The following APOA4 variants were observed in gnomAD, a reference collection of about 807,000 sequenced individuals.
APOA4 encodes the protein apolipoprotein A4.
In APOA4, 25 loss-of-function variants were observed where a neutral mutation model predicts 33.6. That is an observed-to-expected ratio of 0.74 (90% CI 0.54 to 1.04). The LOEUF (loss-of-function observed/expected upper bound fraction) is 1.04. APOA4 is among the 50% of genes least tolerant of loss of function. The pLI, the probability that APOA4 is intolerant of heterozygous loss-of-function variation, is 0.00. For missense variants in APOA4, 549 were observed against 510.4 expected (o/e 1.08, Z -0.73); for synonymous variants, 228 against 224.0 (o/e 1.02, Z -0.16).
chr11:116,821,677 G>A lies in APOA4; in HGVS notation c.381C>T (p.Asn127=), dbSNP rs147610191. The change falls in exon 3 of 3, where the codon AAC becomes AAT. Residue 127 remains asparagine (N), a synonymous_variant. Transcript: ENST00000357780. ...CCAGGCGCTGCTGAAGCTCTCGCAG[G>A]TTGTCCCCGATCTTCTGGCTCACCT... The part of the protein sequence containing the change: ...ANEVSQKIGD[N]LRELQQRLEP... 1.2e-6 allele frequency: 2 copies of A among 1,600,458 alleles called. No individual in the cohort carries two copies. Among genetic ancestry groups the A allele is most frequent in the South Asian group, 1.1e-5 (1 of 90,544 alleles).
At position 116,821,013 on chromosome 11, in the gene APOA4, C is replaced by A. The variant is rs769994902; in HGVS notation, c.1045G>T (p.Asp349Tyr). 6.2e-7 allele frequency: 1 copy of A among 1,614,126 alleles called. No homozygotes were observed. The highest frequency in any genetic ancestry group is 1.3e-5 in the African/African-American group (1 of 74,938). Residue 349 changes from aspartate to tyrosine, a missense_variant, in exon 3 of 3, where the codon GAC (aspartate) becomes TAC (tyrosine). Transcript: ENST00000357780. The part of the protein sequence containing the change: ...HLSFLEKDLR[D>Y]KVNSFFSTFK... ...GTGCTGAAGAAGGAGTTGACCTTGT[C>A]CCTCAGGTCCTTCTCCAGGAAGCTC...
chr11:116,821,584 G>A lies in APOA4; in HGVS notation c.474C>T (p.Thr158=), dbSNP rs1428606901. The part of the protein sequence containing the change: ...TQAEQLRRQL[T]PYAQRMERVL... Reference sequence around the variant, plus strand: ...CTCTCTCCATGCGCTGTGCGTAGGGGGTCAGCTGGCGCCGCAGCTGCTCGG... The same window carrying A: ...CTCTCTCCATGCGCTGTGCGTAGGGAGTCAGCTGGCGCCGCAGCTGCTCGG... Residue 158 remains threonine (T), a synonymous_variant, in exon 3 of 3, where the codon ACC becomes ACT. Coordinates refer to ENST00000357780, the MANE Select transcript of APOA4 (RefSeq NM_000482.4). 3.1e-6 allele frequency: 5 copies of A among 1,610,326 alleles called. No homozygotes were observed. In the East Asian group the frequency reaches 1.1e-4, roughly 36 times the overall value.
rs764903189 is a variant in APOA4 at position 116,821,059 on chromosome 11, C to A, written c.999G>T (p.Ala333=). ...AGCTCAAGTGGCCTTCCACGTCCCC[C>A]GCATGGGGGCCCAGTTTCTGCCTGA... ...EQLRQKLGPH[A]GDVEGHLSFL... The change falls in exon 3 of 3, where the codon GCG becomes GCT. Residue 333 remains alanine, a synonymous_variant. Transcript: ENST00000357780. 2.5e-6 allele frequency: 4 copies of A among 1,614,094 alleles called. 1 individual carries two copies. The highest frequency in any genetic ancestry group is 1.6e-4 in the Middle Eastern group (1 of 6,084).
chr11:116,823,225 G>C lies in APOA4; in HGVS notation c.-34C>G. ...GCTTGCTGGGCTGGAGGAGTTTCTTGCCACACTGGATCCTCCCTACAATCA... is the reference window on the plus strand; with the variant it reads ...GCTTGCTGGGCTGGAGGAGTTTCTTCCCACACTGGATCCTCCCTACAATCA... On this transcript the variant is annotated 5_prime_UTR_variant, in exon 1 of 3. Coordinates refer to ENST00000357780, the MANE Select transcript of APOA4 (RefSeq NM_000482.4). 6.2e-7 allele frequency: 1 copy of C among 1,613,682 alleles called. No individual in the cohort carries two copies. The highest frequency in any genetic ancestry group is 8.5e-7 in the Non-Finnish European group (1 of 1,179,658).
rs1591322118 is a variant in APOA4 at position 116,821,124 on chromosome 11, C to T, written c.934G>A (p.Glu312Lys). ...TGCACCAGGGCTTTGTTGAAGTTTT[C>T]CCCGTAGGGCTCCACCCGGCGTCGG... ...EFRRRVEPYGENFNKALVQQM... is the reference protein window; with the variant it reads ...EFRRRVEPYGKNFNKALVQQM... Residue 312 changes from glutamate to lysine, a missense_variant, in exon 3 of 3, where the codon GAA (glutamate) becomes AAA (lysine). By Grantham distance (56) the Glu-to-Lys change is moderately conservative (BLOSUM62 1). Coordinates refer to ENST00000357780, the MANE Select transcript of APOA4 (RefSeq NM_000482.4). 1 of 1,613,882 alleles carries T rather than the reference C, an allele frequency of 6.2e-7. No individual in the cohort carries two copies.
rs145761354 is a variant in APOA4 at position 116,821,052 on chromosome 11, C to A, written c.1006G>T (p.Val336Leu). ...TCCAGGAAGCTCAAGTGGCCTTCCACGTCCCCCGCATGGGGGCCCAGTTTC... is the reference window on the plus strand; with the variant it reads ...TCCAGGAAGCTCAAGTGGCCTTCCAAGTCCCCCGCATGGGGGCCCAGTTTC... ...RQKLGPHAGD[V>L]EGHLSFLEKD... Residue 336 changes from valine (V) to leucine (L), a missense_variant, in exon 3 of 3, where the codon GTG becomes TTG. By Grantham distance (32) the Val-to-Leu change is conservative (BLOSUM62 1). Transcript: ENST00000357780. 1 of 1,614,234 alleles carries A rather than the reference C, an allele frequency of 6.2e-7. No homozygotes were observed. Among genetic ancestry groups the A allele is most frequent in the Admixed American group, 1.7e-5 (1 of 60,034 alleles).
At position 116,823,259 on chromosome 11, in the gene APOA4, G is replaced by C; in HGVS notation, c.-68C>G. 1 of 1,576,140 alleles carries C rather than the reference G, an allele frequency of 6.3e-7. No individual in the cohort carries two copies. On this transcript the variant is annotated 5_prime_UTR_variant, in exon 1 of 3. Transcript: ENST00000357780. ...GATCCTCCCTACAATCAGGGGAGCTGACAGAGAGGTCCTCAGGAGAGCTCA... is the reference window on the plus strand; with the variant it reads ...GATCCTCCCTACAATCAGGGGAGCTCACAGAGAGGTCCTCAGGAGAGCTCA...
rs746068525 is a variant in APOA4 at position 116,821,264 on chromosome 11, T to G, written c.794A>C (p.Gln265Pro). 2.5e-6 allele frequency: 4 copies of G among 1,613,496 alleles called. No homozygotes were observed. The South Asian group carries it at 4.4e-5, about 18-fold the overall frequency. The change falls in exon 3 of 3, where the codon CAG becomes CCG. Residue 265 changes from glutamine (Q) to proline (P), a missense_variant. Coordinates refer to ENST00000357780, the MANE Select transcript of APOA4 (RefSeq NM_000482.4). The part of the protein sequence containing the change: ...RISASAEELR[Q>P]RLAPLAEDVR... Reference sequence around the variant, plus strand: ...GTCCTCGGCCAAGGGCGCCAGCCTCTGCCGCAGCTCCTCGGCACTGGCCGA... The same window carrying G: ...GTCCTCGGCCAAGGGCGCCAGCCTCGGCCGCAGCTCCTCGGCACTGGCCGA...
rs1941310700 is a variant in APOA4 at position 116,820,883 on chromosome 11, G to A, written c.1175C>T (p.Ala392Val). ...AGGGGCAGCTCAGCTCTCCAAAGGG[G>A]CCAGCATCTGCACCTGCTCCTGCTG... is the stretch of plus-strand genomic sequence containing the variant. The part of the protein sequence containing the change: ...EQQQEQVQML[A>V]PLES The change falls in exon 3 of 3, where the codon GCC (alanine) becomes GTC (valine). Residue 392 changes from alanine to valine, a missense_variant. Ala to Val is a moderately conservative substitution (Grantham distance 64). Transcript: ENST00000357780. 2.5e-6 allele frequency: 4 copies of A among 1,613,752 alleles called. No homozygotes were observed. Among genetic ancestry groups the A allele is most frequent in the Non-Finnish European group, 3.4e-6 (4 of 1,180,010 alleles).
chr11:116,821,553 G>A lies in APOA4; in HGVS notation c.505C>T (p.Arg169Trp), dbSNP rs142295954. Residue 169 changes from arginine to tryptophan, a missense_variant, in exon 3 of 3, where the codon CGG (arginine) becomes TGG (tryptophan). Arg to Trp is a moderately radical substitution (Grantham distance 101). Coordinates refer to ENST00000357780, the MANE Select transcript of APOA4 (RefSeq NM_000482.4). ...GCCTGCAGGCTGTCGGCGTTCTCCC[G>A]CAGCACTCTCTCCATGCGCTGTGCG... ...PYAQRMERVLRENADSLQASL... is the reference protein window; with the variant it reads ...PYAQRMERVLWENADSLQASL... 4.3e-6 allele frequency: 7 copies of A among 1,612,074 alleles called. No homozygotes were observed. Among genetic ancestry groups the A allele is most frequent in the Admixed American group, 1.7e-5 (1 of 60,004 alleles).
rs951853486 is a variant in APOA4, at chr11:116,822,776, G to T, written c.59C>A (p.Ala20Asp). 8 of 1,613,986 alleles carry T rather than the reference G, an allele frequency of 5.0e-6. No homozygotes were observed. In the African/African-American group the frequency reaches 1.1e-4, roughly 22 times the overall value. The part of the protein sequence containing the change: ...LALVAVAGAR[A>D]EVSADQVATV... ...GGCCACCTGGTCAGCACTGACCTCA[G>T]CCCTGGCTCCTGGGTGGTAACAGAG... Residue 20 changes from alanine to aspartate, a missense_variant, in exon 2 of 3, where the codon GCT (alanine) becomes GAT (aspartate). Transcript: ENST00000357780.
Position 116,821,588 on chromosome 11 carries a change from A to G in APOA4, c.470T>C (p.Leu157Pro). 6.2e-7 allele frequency: 1 copy of G among 1,610,108 alleles called. No individual in the cohort carries two copies. The stretch of plus-strand genomic sequence containing the variant: ...CTCCATGCGCTGTGCGTAGGGGGTC[A>G]GCTGGCGCCGCAGCTGCTCGGCCTG... ...STQAEQLRRQ[L>P]TPYAQRMERV... The change falls in exon 3 of 3, where the codon CTG becomes CCG. Residue 157 changes from leucine to proline, a missense_variant. By Grantham distance (98) the Leu-to-Pro change is moderately conservative (BLOSUM62 -3). Transcript: ENST00000357780.
chr11:116,822,577 G>A, intron 2 of APOA4, 82 bp downstream of exon 2: 1 of 1,604,988 alleles, frequency 6.2e-7, no homozygotes, highest in Non-Finnish European at 8.5e-7. Flanking sequence ...CAGGGCTCCT[G>A]TCTCTAAGCT....
Position 116,822,687 on chromosome 11 carries a change from G to T in APOA4, c.148C>A (p.Gln50Lys), listed in dbSNP as rs748755944. Residue 50 changes from glutamine (Q) to lysine (K), a missense_variant, in exon 2 of 3, where the codon CAG becomes AAG. By Grantham distance (53) the Gln-to-Lys change is moderately conservative (BLOSUM62 1). Transcript: ENST00000357780. The part of the protein sequence containing the change: ...NNAKEAVEHL[Q>K]KSELTQQLNA... ...AGTTGCTGGGTGAGTTCAGATTTCTGGAGATGTTCCACGGCCTCCTTGGCA... is the reference window on the plus strand; with the variant it reads ...AGTTGCTGGGTGAGTTCAGATTTCTTGAGATGTTCCACGGCCTCCTTGGCA... 8.7e-6 allele frequency: 14 copies of T among 1,614,098 alleles called. No individual in the cohort carries two copies. Among genetic ancestry groups the T allele is most frequent in the Non-Finnish European group, 1.2e-5 (14 of 1,180,048 alleles).
At position 116,820,977 on chromosome 11, in the gene APOA4, T is replaced by C. The variant is rs1426658417; in HGVS notation, c.1081A>G (p.Lys361Glu). Residue 361 changes from lysine (K) to glutamate (E), a missense_variant, in exon 3 of 3, where the codon AAA becomes GAA. Physicochemically the swap from Lys to Glu is moderately conservative, Grantham distance 56. Transcript: ENST00000357780. ...GAGAGAGTCTTGTCCTGGCTCTCTT[T>C]CTCCTTGAAGGTGCTGAAGAAGGAG... The part of the protein sequence containing the change: ...VNSFFSTFKE[K>E]ESQDKTLSLP... The C allele has an allele frequency of 6.2e-7, 1 of 1,614,074 alleles. No individual in the cohort carries two copies. Among genetic ancestry groups the C allele is most frequent in the East Asian group, 2.2e-5 (1 of 44,894 alleles).
Position 116,821,509 on chromosome 11 carries a change from G to C in APOA4, c.549C>G (p.Ala183=), listed in dbSNP as rs1266040326. Residue 183 remains alanine (A), a synonymous_variant, in exon 3 of 3, where the codon GCC becomes GCG. Transcript: ENST00000357780. The part of the protein sequence containing the change: ...DSLQASLRPH[A]DELKAKIDQN... Reference sequence around the variant, plus strand: ...GGTCGATCTTGGCCTTGAGCTCGTCGGCGTGGGGCCTCAGCGAGGCCTGCA... The same window carrying C: ...GGTCGATCTTGGCCTTGAGCTCGTCCGCGTGGGGCCTCAGCGAGGCCTGCA... 3 of 1,613,820 alleles carry C rather than the reference G, an allele frequency of 1.9e-6. No individual in the cohort carries two copies. Among genetic ancestry groups the C allele is most frequent in the East Asian group, 2.2e-5 (1 of 44,898 alleles).
At chr11:116,822,991 C>T (rs551015318) in intron 1 of APOA4, 152 bp downstream of exon 1, 52 of 1,314,748 alleles carry the variant, frequency 4.0e-5, no homozygotes, top group Middle Eastern at 3.8e-4. Context: ...TGGGCCAGCT[C>T]TCCTGTGAGC....
chr11:116,821,350 G>C lies in APOA4; in HGVS notation c.708C>G (p.His236Gln). The part of the protein sequence containing the change: ...YAQDTQEKLN[H>Q]QLEGLTFQMK... ...TCTGGAAGGTCAGGCCCTCAAGCTG[G>C]TGGTTGAGCTTCTCCTGCGTGTCCT... Residue 236 changes from histidine to glutamine, a missense_variant, in exon 3 of 3, where the codon CAC becomes CAG. Physicochemically the swap from His to Gln is conservative, Grantham distance 24. Transcript: ENST00000357780. The C allele has an allele frequency of 6.2e-7, 1 of 1,614,142 alleles. No individual in the cohort carries two copies. The highest frequency in any genetic ancestry group is 8.5e-7 in the Non-Finnish European group (1 of 1,180,020).
chr11:116,821,920 C>T, intron 2 of APOA4, 39 bp from the exon 3 acceptor site: 1 of 1,607,534 alleles, frequency 6.2e-7, no homozygotes, highest in Non-Finnish European at 8.5e-7. Flanking sequence ...TTACATTTGG[C>T]ATTTACACGG....
Sources: gnomAD v4.1 joint callset for allele counts on GRCh38, gnomAD v4.1.1 for gene constraint, MANE v1.5 for transcripts, NCBI Gene and HGNC (gene_info 2026-07-23, HGNC 2026-07-21) for gene names.